Variants in KATNBL1 observed in about 807,000 individuals in gnomAD.
KATNBL1 encodes KATNB1-like protein 1.
Under a neutral mutation model 44.7 loss-of-function variants are expected in KATNBL1, and 28 were observed. The observed-to-expected ratio is 0.63, with a 90% CI of 0.46 to 0.86. KATNBL1 has a LOEUF of 0.86. Among genes scored for constraint, KATNBL1 ranks in the 40% least tolerant of loss-of-function variants. The pLI, the probability that KATNBL1 is intolerant of heterozygous loss-of-function variation, is 0.00. For missense variants in KATNBL1, 272 were observed against 350.7 expected (o/e 0.78, Z 1.79); for synonymous variants, 78 against 114.9 (o/e 0.68, Z 2.06).
intron 1 of KATNBL1, among the ~76,000 whole-genome samples, chr15:34,175,620 C>A (rs894964337): frequency 2.0e-5 from 3 of 152,048 alleles, no homozygotes; most frequent in Non-Finnish European, 4.4e-5. Flanking sequence ...ACCTGTTGCA[C>A]AAGCAATGAA....
Position 34,141,284 on chromosome 15 carries a change from C to T in KATNBL1, c.*1055G>A, listed in dbSNP as rs894817860. The T allele has an allele frequency of 1.3e-5, 2 of 152,674 alleles. No homozygotes were observed. The highest frequency in any genetic ancestry group is 3.9e-4 in the East Asian group (2 of 5,182). The allele number at this position is 152,674 out of a possible 1,614,324, so 9.5% of individuals were successfully genotyped here. ...ACACAAAGTGTTGGAATTTAAAATACAAGATCAGCATTAACTGTAAACCAT... is the reference window on the plus strand; with the variant it reads ...ACACAAAGTGTTGGAATTTAAAATATAAGATCAGCATTAACTGTAAACCAT... On this transcript the variant is annotated 3_prime_UTR_variant, in exon 10 of 10. Coordinates refer to ENST00000256544, the MANE Select transcript of KATNBL1 (RefSeq NM_024713.3).
chr15:34,154,757 C>A, intron 2 of KATNBL1, 73 bp from the exon 3 acceptor site: 1 of 1,006,902 alleles, frequency 9.9e-7, no homozygotes, highest in Non-Finnish European at 1.6e-6. Context: ...AGCACTCCGG[C>A]AAAAAGCTTT....
intron 1 of KATNBL1, among the ~76,000 whole-genome samples, chr15:34,206,603 C>A (rs1213002597): frequency 6.6e-6 from 1 of 152,040 alleles, no homozygotes; most frequent in African/African-American, 2.4e-5. Flanking sequence ...CCAGCCTGGC[C>A]GACATGGCGA....
chr15:34,187,861 A>T (rs961547376), intron 1 of KATNBL1, among the ~76,000 whole-genome samples: 1 of 152,122 alleles, frequency 6.6e-6, no homozygotes, highest in Admixed American at 6.6e-5. Context: ...CAAATAGGCC[A>T]GGCACGGTGG....
At chr15:34,152,719 TG>T in intron 4 of KATNBL1, 70 bp downstream of exon 4, 1 of 1,274,116 alleles carries the variant, frequency 7.8e-7, no homozygotes, top group Non-Finnish European at 1.1e-6. Context: ...TAGTGGAATA[TG>T]GCAAAGAAAA....
At chr15:34,171,621 A>G (rs759568534) in intron 1 of KATNBL1, among the ~76,000 whole-genome samples, 18 of 152,226 alleles carry the variant, frequency 1.2e-4, no homozygotes, top group Admixed American at 3.3e-4. Context: ...ATGCTACTAT[A>G]AAGACACATG....
chr15:34,178,964 A>T (rs1297794613), intron 1 of KATNBL1, among the ~76,000 whole-genome samples: 2 of 152,202 alleles, frequency 1.3e-5, no homozygotes, highest in Non-Finnish European at 2.9e-5. Flanking sequence ...AATACAGATC[A>T]GGTTAAAAAA....
At chr15:34,169,402 T>C (rs986948545) in intron 1 of KATNBL1, among the ~76,000 whole-genome samples, 3 of 152,188 alleles carry the variant, frequency 2.0e-5, no homozygotes, top group Non-Finnish European at 4.4e-5. Flanking sequence ...AGAAGTTCAA[T>C]TGCTGAATAG....
chr15:34,184,576 C>CTTTTTTTTTTTTTTTT (rs71119942), intron 1 of KATNBL1, among the ~76,000 whole-genome samples: 6 of 95,256 alleles, frequency 6.3e-5, no homozygotes, highest in Non-Finnish European at 9.6e-5. Flanking sequence ...CCTAATGTTT[C>CTTTTTTTTTTTTTTTT]TTTTTTTTTT....
intron 1 of KATNBL1, among the ~76,000 whole-genome samples, chr15:34,166,317 C>A (rs759364529): frequency 6.6e-6 from 1 of 152,246 alleles, no homozygotes; most frequent in Non-Finnish European, 1.5e-5. Context: ...CCCACGCCCA[C>A]GGAGCCTTGC....
In KATNBL1 at chr15:34,178,524, A is replaced by G. The variant is rs555994127; in HGVS notation, c.-14-14834T>C. On this transcript the variant is annotated intron_variant, in intron 1 of 9. Coordinates refer to ENST00000256544, the MANE Select transcript of KATNBL1 (RefSeq NM_024713.3). ...TGTAATCTCAGCACTTTGGGAGGCC[A>G]AGGAGGGCAGATCACGAGGTCAGGA... 1.2e-4 allele frequency among the ~76,000 whole-genome samples: 18 copies of G among 152,176 alleles called. No individual in the cohort carries two copies. In the South Asian group the frequency reaches 1.9e-3, roughly 16 times the overall value.
chr15:34,187,512 A>G, intron 1 of KATNBL1, among the ~76,000 whole-genome samples: 1 of 152,198 alleles, frequency 6.6e-6, no homozygotes, highest in Non-Finnish European at 1.5e-5. Flanking sequence ...CCACCCAGGA[A>G]TCAAAGGTTA....
intron 1 of KATNBL1, among the ~76,000 whole-genome samples, chr15:34,173,864 T>C (rs933900075): frequency 3.3e-5 from 5 of 152,134 alleles, no homozygotes; most frequent in Admixed American, 2.0e-4. Context: ...CCTTCAGGAA[T>C]GAAAAGAAAA....
chr15:34,142,381 TAAAAC>T lies in KATNBL1; in HGVS notation c.883-15_883-11del, dbSNP rs1268952170. 6.3e-7 allele frequency: 1 copy of T among 1,581,254 alleles called. No homozygotes were observed. Among genetic ancestry groups the T allele is most frequent in the Admixed American group, 1.9e-5 (1 of 53,966 alleles). Reference sequence around the variant, plus strand: ...AATAAGCATCTACATCCTTAGAAGATAAAACAAAAACATTTCATTAGACAGTACAG... The same window carrying T: ...AATAAGCATCTACATCCTTAGAAGATAAAAACATTTCATTAGACAGTACAG... On this transcript the variant is annotated splice_polypyrimidine_tract_variant and intron_variant, in intron 9 of 9. Coordinates refer to ENST00000256544, the MANE Select transcript of KATNBL1 (RefSeq NM_024713.3).
chr15:34,181,165 G>A (rs1186780016), intron 1 of KATNBL1, among the ~76,000 whole-genome samples: 1 of 146,436 alleles, frequency 6.8e-6, no homozygotes, highest in Non-Finnish European at 1.5e-5. Flanking sequence ...ATGCTGTATG[G>A]TGTTCAAGTA....
intron 1 of KATNBL1, among the ~76,000 whole-genome samples, chr15:34,175,869 C>T (rs1416596673): frequency 6.6e-6 from 1 of 150,860 alleles, no homozygotes. Context: ...TCTTAAAATA[C>T]TAAATACAGA....
intron 1 of KATNBL1, among the ~76,000 whole-genome samples, chr15:34,196,056 G>A (rs1331586910): frequency 6.6e-6 from 1 of 152,052 alleles, no homozygotes; most frequent in African/African-American, 2.4e-5. Flanking sequence ...TGGCTTCAGA[G>A]AAAAAATAAA....
chr15:34,150,059 A>G (rs1173162866), intron 4 of KATNBL1, among the ~76,000 whole-genome samples: 1 of 152,206 alleles, frequency 6.6e-6, no homozygotes, highest in Non-Finnish European at 1.5e-5. Context: ...GTCAATGGTT[A>G]TATGTATTTT....
intron 1 of KATNBL1, among the ~76,000 whole-genome samples, chr15:34,181,874 T>TATATATATCC (rs1567532483): frequency 1.4e-5 from 2 of 140,234 alleles, no homozygotes; most frequent in Non-Finnish European, 3.1e-5. Flanking sequence ...TATATCCATA[T>TATATATATCC]ATATATATAT....
Sources: gnomAD v4.1 joint callset for allele counts (sites outside exome capture counted in the v4.1 genomes callset) on GRCh38, gnomAD v4.1.1 for gene constraint, MANE v1.5 for transcripts, NCBI Gene and HGNC (gene_info 2026-07-23, HGNC 2026-07-21) for gene names.